The following GRM8 variants were observed in gnomAD, a reference collection of about 807,000 sequenced individuals.
GRM8 encodes glutamate metabotropic receptor 8, also known as metabotropic glutamate receptor 8.
Under a neutral mutation model 87.2 loss-of-function variants are expected in GRM8, and 47 were observed. The ratio of observed to expected loss-of-function variants is 0.54; its 90% CI spans 0.43 to 0.69. The LOEUF (loss-of-function observed/expected upper bound fraction) is 0.69, where lower values mean the gene tolerates loss of function less well. GRM8 is among the 30% of genes least tolerant of loss of function. The pLI is 0.00. For missense variants in GRM8, 1,019 were observed against 1,139.2 expected (o/e 0.89, Z 1.52); for synonymous variants, 396 against 404.5 (o/e 0.98, Z 0.25).
intron 3 of GRM8, among the ~76,000 whole-genome samples, chr7:127,028,428 C>G (rs893565074): frequency 2.0e-5 from 3 of 152,040 alleles, no homozygotes; most frequent in Admixed American, 2.0e-4. Context: ...TTCTTTGTAC[C>G]TGTGGTAGAA....
At chr7:126,625,299 C>T (rs185034188) in intron 7 of GRM8, among the ~76,000 whole-genome samples, 4 of 152,190 alleles carry the variant, frequency 2.6e-5, no homozygotes, top group East Asian at 3.9e-4. Context: ...TTCAGAATTG[C>T]ACTGGATAAG....
At chr7:127,201,489 G>T (rs1795589447) in intron 2 of GRM8, among the ~76,000 whole-genome samples, 1 of 152,128 alleles carries the variant, frequency 6.6e-6, no homozygotes, top group Admixed American at 6.6e-5. Flanking sequence ...GTTAGAATTT[G>T]CTAAAATATG....
At chr7:126,443,621 A>T (rs1412192719) in intron 10 of GRM8, among the ~76,000 whole-genome samples, 2 of 152,024 alleles carry the variant, frequency 1.3e-5, no homozygotes, top group Non-Finnish European at 2.9e-5. Flanking sequence ...CCAAAGTACA[A>T]TTAAACTTTT....
intron 5 of GRM8, among the ~76,000 whole-genome samples, chr7:126,903,313 T>A (rs1399542132): frequency 6.6e-6 from 1 of 152,124 alleles, no homozygotes. Context: ...GAAAAGATGT[T>A]TAGAAGATAG....
At chr7:126,979,464 T>C (rs1811318130) in intron 3 of GRM8, among the ~76,000 whole-genome samples, 1 of 152,226 alleles carries the variant, frequency 6.6e-6, no homozygotes, top group South Asian at 2.1e-4. Flanking sequence ...AAGACGTTGC[T>C]TTCCTCAACT....
At chr7:126,638,460 A>G (rs1802066169) in intron 7 of GRM8, among the ~76,000 whole-genome samples, 1 of 152,194 alleles carries the variant, frequency 6.6e-6, no homozygotes, top group African/African-American at 2.4e-5. Flanking sequence ...ATATATTAGC[A>G]CAGACAACTT....
At chr7:127,141,205 C>T (rs372626165) in intron 2 of GRM8, among the ~76,000 whole-genome samples, 4 of 152,156 alleles carry the variant, frequency 2.6e-5, no homozygotes, top group South Asian at 2.1e-4. Context: ...CCTTAGCCTG[C>T]TGGTCTCTTT....
chr7:126,813,014 G>A (rs1298632303), intron 6 of GRM8, among the ~76,000 whole-genome samples: 1 of 151,974 alleles, frequency 6.6e-6, no homozygotes, highest in African/African-American at 2.4e-5. Context: ...CCTACCAGGG[G>A]TTGTAGGGTG....
intron 7 of GRM8, among the ~76,000 whole-genome samples, chr7:126,669,736 A>G (rs1187381972): frequency 2.0e-5 from 3 of 152,242 alleles, no homozygotes; most frequent in Non-Finnish European, 4.4e-5. Flanking sequence ...GGTTACCATT[A>G]TAACAGGTAA....
chr7:126,753,427 TATATACACACAC>T (rs1322451263), intron 7 of GRM8, among the ~76,000 whole-genome samples: 1 of 151,758 alleles, frequency 6.6e-6, no homozygotes, highest in East Asian at 1.9e-4. Flanking sequence ...TATATACGTA[TATATACACACAC>T]ATATATACAC....
chr7:126,827,089 AGCAGTACCAT>A lies in GRM8; in HGVS notation c.1157-57034_1157-57025del, dbSNP rs1236140963. The stretch of plus-strand genomic sequence containing the variant: ...CATTGATCTATATCTCTGTTTTGGT[AGCAGTACCAT>A]GCTGTTTTGGTTACTGTAGCCTTGT... On this transcript the variant is annotated intron_variant, in intron 6 of 10. Transcript: ENST00000339582. 4.5e-4 allele frequency among the ~76,000 whole-genome samples: 68 copies of A among 152,322 alleles called. 1 individual carries two copies. The highest frequency in any genetic ancestry group is 2.1e-3 in the South Asian group (10 of 4,824).
At chr7:126,726,910 T>C (rs983183395) in intron 7 of GRM8, among the ~76,000 whole-genome samples, 4 of 152,036 alleles carry the variant, frequency 2.6e-5, no homozygotes, top group African/African-American at 4.8e-5. Context: ...TGTGTTATTA[T>C]TTATAAAAAT....
intron 2 of GRM8, among the ~76,000 whole-genome samples, chr7:127,174,069 A>C (rs953598575): frequency 2.6e-5 from 4 of 152,170 alleles, no homozygotes; most frequent in African/African-American, 9.7e-5. Context: ...ACAGCAACAC[A>C]CACACGCACC....
In GRM8 at chr7:127,104,532, T is replaced by C. The variant is rs576954869; in HGVS notation, c.727+1964A>G. Among the ~76,000 whole-genome samples, 8 of 152,344 alleles carry C rather than the reference T, an allele frequency of 5.3e-5. No individual in the cohort carries two copies. The South Asian group carries it at 1.7e-3, about 32-fold the overall frequency. Reference sequence around the variant, plus strand: ...TAATATATTCCATGGCATACTCCAGTGTGGTACTAATTTGGCCTTTTCAGT... The same window carrying C: ...TAATATATTCCATGGCATACTCCAGCGTGGTACTAATTTGGCCTTTTCAGT... On this transcript the variant is annotated intron_variant, in intron 3 of 10. Transcript: ENST00000339582.
chr7:126,648,314 G>T (rs1258281238), intron 7 of GRM8, among the ~76,000 whole-genome samples: 1 of 152,048 alleles, frequency 6.6e-6, no homozygotes, highest in Admixed American at 6.6e-5. Context: ...CTATCTGTCT[G>T]ATTTTCATTA....
intron 6 of GRM8, among the ~76,000 whole-genome samples, chr7:126,790,104 T>G (rs1821119714): frequency 6.6e-6 from 1 of 151,864 alleles, no homozygotes; most frequent in Admixed American, 6.6e-5. Flanking sequence ...GCCCCACAGG[T>G]TCAAATGATT....
At chr7:126,957,426 G>A (rs1413765549) in intron 3 of GRM8, among the ~76,000 whole-genome samples, 2 of 152,112 alleles carry the variant, frequency 1.3e-5, no homozygotes, top group Non-Finnish European at 2.9e-5. Context: ...GCTTCTGGGC[G>A]CAGCTGCAGC....
At chr7:126,494,959 T>A (rs1476761623) in intron 9 of GRM8, among the ~76,000 whole-genome samples, 1 of 152,088 alleles carries the variant, frequency 6.6e-6, no homozygotes, top group Middle Eastern at 3.2e-3. Context: ...AATAATTTCC[T>A]AAGATCTCTT....
At chr7:126,866,186 G>A (rs192254576) in intron 6 of GRM8, among the ~76,000 whole-genome samples, 2 of 152,244 alleles carry the variant, frequency 1.3e-5, no homozygotes, top group Admixed American at 6.5e-5. Flanking sequence ...ATGGTGTTGA[G>A]CATCTTTTCA....
Sources: allele counts gnomAD v4.1 joint callset (sites outside exome capture counted in the v4.1 genomes callset), GRCh38; gene constraint gnomAD v4.1.1; transcripts MANE v1.5; gene names NCBI Gene and HGNC (gene_info 2026-07-23, HGNC 2026-07-21).